TMEM273: variants seen among roughly 807,000 people sequenced by gnomAD.
TMEM273 encodes chromosome 10 open reading frame 128.
TMEM273 carries 19 observed loss-of-function variants against 17.9 expected under a neutral mutation model. That is an observed-to-expected ratio of 1.06 (90% CI 0.74 to 1.55). The LOEUF is 1.55. Ranked by LOEUF, TMEM273 falls within the 40% of genes most tolerant of loss-of-function variation. The pLI is 0.00. For synonymous variants in TMEM273, 66 were observed against 62.0 expected (o/e 1.07, Z -0.31); for missense variants, 194 against 155.6 (o/e 1.25, Z -1.31).
intron 1 of TMEM273, among the ~76,000 whole-genome samples, chr10:49,187,918 ACT>A (rs1184184117): frequency 6.6e-6 from 1 of 152,156 alleles, no homozygotes; most frequent in African/African-American, 2.4e-5. Flanking sequence ...ATTTAACTTA[ACT>A]CTCTTGAAAT....
chr10:49,165,955 C>G (rs1012791970), intron 3 of TMEM273, among the ~76,000 whole-genome samples, 159 bp from the exon 4 acceptor site: 1 of 152,170 alleles, frequency 6.6e-6, no homozygotes, highest in Non-Finnish European at 1.5e-5. Context: ...CTGTTTCCTC[C>G]CCTTATTTGT....
chr10:49,187,947 G>A (rs936593682), intron 1 of TMEM273, among the ~76,000 whole-genome samples: 1 of 152,126 alleles, frequency 6.6e-6, no homozygotes, highest in Non-Finnish European at 1.5e-5. Flanking sequence ...AAGTAAACAT[G>A]ATTATCTCCC....
chr10:49,188,182 G>A (rs1397616701), intron 1 of TMEM273, 112 bp downstream of exon 1: 4 of 1,209,028 alleles, frequency 3.3e-6, no homozygotes, highest in Non-Finnish European at 4.8e-6. Context: ...CATCATCTGT[G>A]TAAAGGGACA....
intron 3 of TMEM273, chr10:49,166,412 A>G (rs1230097415): frequency 8.8e-6 from 2 of 226,922 alleles, no homozygotes; most frequent in Admixed American, 5.3e-5. Flanking sequence ...TGTCAACAGA[A>G]CCTCCCACCA....
chr10:49,166,743 G>A, intron 3 of TMEM273, 126 bp downstream of exon 3: 3 of 1,414,084 alleles, frequency 2.1e-6, no homozygotes, highest in Admixed American at 1.7e-5. Context: ...AGAGGTCACT[G>A]CCTTCCTTTA....
intron 1 of TMEM273, among the ~76,000 whole-genome samples, chr10:49,181,433 G>A (rs1226021377): frequency 6.6e-6 from 1 of 152,158 alleles, no homozygotes; most frequent in African/African-American, 2.4e-5. Context: ...GAAGAATAAA[G>A]TAGAAGAAAT....
chr10:49,178,652 G>T (rs1847151943), intron 1 of TMEM273, among the ~76,000 whole-genome samples: 1 of 152,144 alleles, frequency 6.6e-6, no homozygotes, highest in Non-Finnish European at 1.5e-5. Flanking sequence ...ATTTCACCTA[G>T]GCAGAGATGT....
At chr10:49,181,772 TAG>T (rs1847354969) in intron 1 of TMEM273, among the ~76,000 whole-genome samples, 1 of 152,174 alleles carries the variant, frequency 6.6e-6, no homozygotes, top group Non-Finnish European at 1.5e-5. Context: ...CTTGAGATCT[TAG>T]AGTTTGGTGC....
At chr10:49,157,067 C>T (rs1320532227) in intron 6 of TMEM273, among the ~76,000 whole-genome samples, 1 of 152,146 alleles carries the variant, frequency 6.6e-6, no homozygotes. Context: ...TTAAAAGGCC[C>T]CTTCAGGTGT....
chr10:49,156,153 TC>T, intron 6 of TMEM273: 1 of 1,524,946 alleles, frequency 6.6e-7, no homozygotes. Flanking sequence ...CAAAACTTCA[TC>T]CACTTTGATG....
At chr10:49,170,353 AC>A (rs1367409727) in intron 1 of TMEM273, among the ~76,000 whole-genome samples, 7 of 150,074 alleles carry the variant, frequency 4.7e-5, no homozygotes, top group African/African-American at 1.7e-4. Flanking sequence ...CATTGACTTC[AC>A]CCCCCAAATG....
At chr10:49,175,734 G>C (rs568040896) in intron 1 of TMEM273, among the ~76,000 whole-genome samples, 24 of 152,326 alleles carry the variant, frequency 1.6e-4, no homozygotes, top group Admixed American at 4.6e-4. Flanking sequence ...TGGTGTCCCA[G>C]GTCCATTCTG....
At chr10:49,165,420 A>C in intron 4 of TMEM273, 137 bp from the exon 5 acceptor site, 3 of 1,503,058 alleles carry the variant, frequency 2.0e-6, no homozygotes, top group Non-Finnish European at 2.7e-6. Context: ...CCTGGGACAA[A>C]CCACGTGTGA....
Position 49,188,331 on chromosome 10 carries a change from G to T in TMEM273, c.6C>A (p.Asn2Lys). Residue 2 changes from asparagine (N) to lysine (K), a missense_variant, in exon 1 of 7, where the codon AAC becomes AAA. Physicochemically the swap from Asn to Lys is moderately conservative, Grantham distance 94 (BLOSUM62 0). Coordinates refer to ENST00000374153, the MANE Select transcript of TMEM273 (RefSeq NM_001288740.3). M[N>K]LGVSMLRILF... ...GGATCCTCAGCATGCTGACCCCCAA[G>T]TTCATGCTGGCGCTCTGCTCTTGGC... 1 of 1,614,212 alleles carries T rather than the reference G, an allele frequency of 6.2e-7. No individual in the cohort carries two copies. The highest frequency in any genetic ancestry group is 8.5e-7 in the Non-Finnish European group (1 of 1,180,030).
intron 6 of TMEM273, among the ~76,000 whole-genome samples, chr10:49,157,849 A>C (rs947949410): frequency 1.3e-5 from 2 of 152,206 alleles, no homozygotes; most frequent in Non-Finnish European, 2.9e-5. Flanking sequence ...ATCAGAGAGG[A>C]GAAGACAATT....
intron 5 of TMEM273, 121 bp downstream of exon 5, chr10:49,165,084 A>T: frequency 1.5e-6 from 2 of 1,369,264 alleles, no homozygotes; most frequent in South Asian, 3.2e-5. Flanking sequence ...TTAGAAAAAA[A>T]CCCATGCAAA....
Position 49,174,018 on chromosome 10 carries a change from C to T in TMEM273, c.44-6056G>A, listed in dbSNP as rs1846771972. Among the ~76,000 whole-genome samples, 5 of 152,224 alleles carry T rather than the reference C, an allele frequency of 3.3e-5. No homozygotes were observed. In the South Asian group the frequency reaches 1.0e-3, roughly 32 times the overall value. On this transcript the variant is annotated intron_variant, in intron 1 of 6. Transcript: ENST00000374153. ...ATCAGATGTGTAGAGTCAAGGGAGA[C>T]AGCCCAGCTATGCTTCACACAGCAG...
At chr10:49,183,377 G>A (rs572612270) in intron 1 of TMEM273, among the ~76,000 whole-genome samples, 3 of 151,630 alleles carry the variant, frequency 2.0e-5, no homozygotes, top group African/African-American at 7.3e-5. Context: ...GTGTGTGTGT[G>A]TATAGAGAGA....
chr10:49,180,427 C>T (rs941339020), intron 1 of TMEM273, among the ~76,000 whole-genome samples: 4 of 152,192 alleles, frequency 2.6e-5, no homozygotes, highest in Non-Finnish European at 4.4e-5. Flanking sequence ...AACACAGAGC[C>T]CTTCTCCCAT....
Sources: allele counts gnomAD v4.1 joint callset (sites outside exome capture counted in the v4.1 genomes callset), GRCh38; gene constraint gnomAD v4.1.1; transcripts MANE v1.5; gene names NCBI Gene and HGNC (gene_info 2026-07-23, HGNC 2026-07-21).